Variants in RASAL2 observed in about 807,000 individuals in gnomAD.
RASAL2 encodes RAS protein activator like 2, also known as ras GTPase-activating protein nGAP.
A neutral mutation model predicts 128.9 loss-of-function variants in RASAL2; 58 were observed. The observed-to-expected ratio is 0.45, with a 90% CI of 0.36 to 0.56. The LOEUF (loss-of-function observed/expected upper bound fraction) is 0.56. Ranked by LOEUF, RASAL2 falls within the 20% of genes least tolerant of loss-of-function variation. The pLI is 0.00. For missense variants in RASAL2, 1,360 were observed against 1,601.6 expected (o/e 0.85, Z 2.57); for synonymous variants, 561 against 580.8 (o/e 0.97, Z 0.49).
At chr1:178,197,611 GAAAA>G (rs57628750) in intron 1 of RASAL2, among the ~76,000 whole-genome samples, 4 of 94,250 alleles carry the variant, frequency 4.2e-5, no homozygotes, top group Admixed American at 1.2e-4. Context: ...TCCATCTGGG[GAAAA>G]AAAAAAAAAA....
intron 3 of RASAL2, among the ~76,000 whole-genome samples, chr1:178,385,749 C>T (rs1237545428): frequency 1.3e-5 from 2 of 152,016 alleles, no homozygotes; most frequent in African/African-American, 2.4e-5. Context: ...CAGACTTTAC[C>T]TCCTACTATT....
At chr1:178,285,554 A>T (rs905454310) in intron 2 of RASAL2, among the ~76,000 whole-genome samples, 1 of 152,184 alleles carries the variant, frequency 6.6e-6, no homozygotes, top group African/African-American at 2.4e-5. Context: ...GCATTTTAAT[A>T]TTCTTAAATT....
chr1:178,278,647 A>T (rs1288397590), intron 1 of RASAL2, among the ~76,000 whole-genome samples: 1 of 151,984 alleles, frequency 6.6e-6, no homozygotes, highest in Non-Finnish European at 1.5e-5. Context: ...TTTCTTACCC[A>T]TTCTTCATAT....
intron 3 of RASAL2, among the ~76,000 whole-genome samples, chr1:178,385,523 C>T (rs939340542): frequency 1.3e-5 from 2 of 151,596 alleles, no homozygotes; most frequent in African/African-American, 4.9e-5. Context: ...GCATGTCTGA[C>T]CAGGTGGTTT....
At chr1:178,143,994 T>C (rs1660631887) in intron 1 of RASAL2, among the ~76,000 whole-genome samples, 1 of 152,166 alleles carries the variant, frequency 6.6e-6, no homozygotes, top group Non-Finnish European at 1.5e-5. Context: ...CTATCAGGAA[T>C]AATTTCTTTT....
At chr1:178,366,649 T>A (rs1008649784) in intron 3 of RASAL2, among the ~76,000 whole-genome samples, 1 of 129,046 alleles carries the variant, frequency 7.7e-6, no homozygotes, top group African/African-American at 3.0e-5. Context: ...TTTTGAAGTA[T>A]AAGGCTTCCA....
chr1:178,363,442 C>A (rs957749212), intron 3 of RASAL2, among the ~76,000 whole-genome samples: 1 of 152,126 alleles, frequency 6.6e-6, no homozygotes, highest in Non-Finnish European at 1.5e-5. Context: ...TCTCCTAATG[C>A]GTAGGCCTCC....
chr1:178,132,887 A>G (rs906515727), intron 1 of RASAL2, among the ~76,000 whole-genome samples: 4 of 147,272 alleles, frequency 2.7e-5, no homozygotes, highest in African/African-American at 7.5e-5. Flanking sequence ...TCCTGCCTCA[A>G]CCTCCCAAGT....
intron 3 of RASAL2, among the ~76,000 whole-genome samples, chr1:178,355,061 T>C (rs1670728037): frequency 1.3e-5 from 2 of 152,166 alleles, no homozygotes; most frequent in Admixed American, 6.5e-5. Context: ...GAATTCTAGA[T>C]TGCAGCGAGC....
rs1246467430 is a variant in RASAL2, at chr1:178,458,631, T to C, written c.3252+87T>C. On this transcript the variant is annotated intron_variant, in intron 14 of 17. Coordinates refer to ENST00000367649, the MANE Select transcript of RASAL2 (RefSeq NM_170692.4). ...ATACATAAATCATTGGGAAATCCTA[T>C]TGTTAACAAGATTTCCTCTTAAAAG... is the stretch of plus-strand genomic sequence containing the variant. 7 of 1,472,560 alleles carry C rather than the reference T, an allele frequency of 4.8e-6. No homozygotes were observed. In the African/African-American group the frequency reaches 5.6e-5, roughly 12 times the overall value. 91.2% of individuals were successfully genotyped at this position (1,472,560 alleles called of 1,614,324 possible).
At chr1:178,234,805 A>G (rs1412420236) in intron 1 of RASAL2, among the ~76,000 whole-genome samples, 1 of 152,160 alleles carries the variant, frequency 6.6e-6, no homozygotes, top group Non-Finnish European at 1.5e-5. Flanking sequence ...AACCCTTTCT[A>G]AAACTGTGAG....
At chr1:178,333,801 A>G (rs879415261) in intron 3 of RASAL2, among the ~76,000 whole-genome samples, 23 of 152,152 alleles carry the variant, frequency 1.5e-4, no homozygotes, top group Non-Finnish European at 2.8e-4. Flanking sequence ...TTACTTCTCT[A>G]CTCACTGAAA....
chr1:178,236,854 C>T (rs1047516355), intron 1 of RASAL2, among the ~76,000 whole-genome samples: 1 of 151,118 alleles, frequency 6.6e-6, no homozygotes, highest in Non-Finnish European at 1.5e-5. Flanking sequence ...ACCTCCGCCT[C>T]CCGGGTTCAA....
At chr1:178,299,394 G>A (rs554882936) in intron 2 of RASAL2, among the ~76,000 whole-genome samples, 2 of 152,232 alleles carry the variant, frequency 1.3e-5, no homozygotes, top group South Asian at 4.1e-4. Context: ...ATTTGTGTGG[G>A]TGTTTTGTTT....
intron 5 of RASAL2, among the ~76,000 whole-genome samples, chr1:178,427,970 C>T (rs894645200): frequency 1.3e-5 from 2 of 152,020 alleles, no homozygotes; most frequent in African/African-American, 2.4e-5. Context: ...AATTTGTTTC[C>T]TGTCTCTATC....
Position 178,257,421 on chromosome 1 carries a change from A to ATGTGTGTGTG in RASAL2, c.203-26142_203-26141insGTGTGTGTGT, listed in dbSNP as rs1491588452. Among the ~76,000 whole-genome samples the ATGTGTGTGTG allele has an allele frequency of 1.9e-3, 223 of 114,652 alleles. 1 individual carries two copies. The highest frequency in any genetic ancestry group is 9.4e-3 in the African/African-American group (218 of 23,186). 75.2% of individuals were successfully genotyped at this position (114,652 alleles called of 152,430 possible). Reference sequence around the variant, plus strand: ...AAGACAGTGTGGTGCTGGCTCAGGGATATGTGTGTGTGTGTGTGTGTGTGT... The same window carrying ATGTGTGTGTG: ...AAGACAGTGTGGTGCTGGCTCAGGGATGTGTGTGTGTATGTGTGTGTGTGTGTGTGTGTGT... On this transcript the variant is annotated intron_variant, in intron 1 of 17. Transcript: ENST00000367649.
At chr1:178,456,580 A>G (rs1007792755) in intron 12 of RASAL2, 141 bp from the exon 13 acceptor site, 10 of 850,910 alleles carry the variant, frequency 1.2e-5, no homozygotes, top group South Asian at 1.0e-4. Flanking sequence ...TGCATTATGA[A>G]CCTGCCACTC....
chr1:178,278,627 A>G (rs1666637329), intron 1 of RASAL2, among the ~76,000 whole-genome samples: 1 of 151,058 alleles, frequency 6.6e-6, no homozygotes, highest in African/African-American at 2.5e-5. Context: ...AAAATTTCTC[A>G]CAGCAATTTT....
chr1:178,263,974 C>T (rs768166903), intron 1 of RASAL2, among the ~76,000 whole-genome samples: 22 of 152,116 alleles, frequency 1.4e-4, no homozygotes, highest in Non-Finnish European at 2.5e-4. Context: ...GTTAGTATTA[C>T]CTTCCTTCTG....
Sources: gnomAD v4.1 joint callset for allele counts (sites outside exome capture counted in the v4.1 genomes callset) on GRCh38, gnomAD v4.1.1 for gene constraint, MANE v1.5 for transcripts, NCBI Gene and HGNC (gene_info 2026-07-23, HGNC 2026-07-21) for gene names.